RIMKLB: variants seen among roughly 807,000 people sequenced by gnomAD.
RIMKLB encodes beta-citrylglutamate synthase B.
A neutral mutation model predicts 32.0 loss-of-function variants in RIMKLB; 7 were observed. The observed-to-expected ratio is 0.22, with a 90% CI of 0.12 to 0.41. RIMKLB has a LOEUF of 0.41. Ranked by LOEUF, RIMKLB falls within the 10% of genes least tolerant of loss-of-function variation. RIMKLB has a pLI of 1.00. For missense variants in RIMKLB, 289 were observed against 498.7 expected (o/e 0.58, Z 4.00); for synonymous variants, 172 against 185.1 (o/e 0.93, Z 0.57).
intron 2 of RIMKLB, among the ~76,000 whole-genome samples, chr12:8,747,661 T>C (rs2137663034): frequency 6.6e-6 from 1 of 152,282 alleles, no homozygotes; most frequent in South Asian, 2.1e-4. Context: ...AAGGAATTGA[T>C]CATATGGTGT....
upstream of RIMKLB, among the ~76,000 whole-genome samples, chr12:8,692,351 T>C (rs1942756831): frequency 6.6e-6 from 1 of 152,258 alleles, no homozygotes; most frequent in South Asian, 2.1e-4. Flanking sequence ...CAAACTTTCA[T>C]GTGTCTAAAG....
At chr12:8,730,845 T>G (rs79549839) in intron 2 of RIMKLB, among the ~76,000 whole-genome samples, 1 of 151,726 alleles carries the variant, frequency 6.6e-6, no homozygotes, top group East Asian at 2.0e-4. Context: ...GTTCCAGAGA[T>G]TCTCCTGTCT....
chr12:8,774,412 T>C lies in RIMKLB; in HGVS notation c.*628T>C. 1.0e-6 allele frequency: 1 copy of C among 985,776 alleles called. No individual in the cohort carries two copies. The highest frequency in any genetic ancestry group is 1.2e-6 in the Non-Finnish European group (1 of 829,868). The allele number at this position is 985,776 out of a possible 1,614,324, so 61.1% of individuals were successfully genotyped here. On this transcript the variant is annotated 3_prime_UTR_variant, in exon 6 of 6. Coordinates refer to ENST00000535829, the MANE Select transcript of RIMKLB (RefSeq NM_001297776.2). ...AGGCTTCTTAATGACAAAATTGGCATGTTTGCATGATGAAATGGAAATGAA... is the reference window on the plus strand; with the variant it reads ...AGGCTTCTTAATGACAAAATTGGCACGTTTGCATGATGAAATGGAAATGAA...
At chr12:8,679,269 C>A (rs886321839), upstream of RIMKLB, 1 of 152,224 alleles carries the variant, frequency 6.6e-6, no homozygotes, top group African/African-American at 2.4e-5. Context: ...CTGCAACCTC[C>A]CCCTCTCGGT....
chr12:8,709,277 C>T (rs1944164266), intron 1 of RIMKLB, among the ~76,000 whole-genome samples: 2 of 152,216 alleles, frequency 1.3e-5, no homozygotes. Context: ...TATTGGTGCA[C>T]TTTTGAGCTC....
chr12:8,769,657 G>C (rs1449074278), intron 5 of RIMKLB, among the ~76,000 whole-genome samples: 2 of 151,992 alleles, frequency 1.3e-5, no homozygotes, highest in Non-Finnish European at 2.9e-5. Context: ...TAATTTGGGA[G>C]ATCAACCAGG....
intron 2 of RIMKLB, among the ~76,000 whole-genome samples, chr12:8,727,916 T>C (rs1033620359): frequency 7.3e-6 from 1 of 137,056 alleles, no homozygotes; most frequent in African/African-American, 2.7e-5. Flanking sequence ...AAAAAAAAAA[T>C]CTAGTATTTT....
At position 8,774,951 on chromosome 12, in the gene RIMKLB, A is replaced by T. The variant is rs746153524; in HGVS notation, c.*1167A>T. 96 of 985,722 alleles carry T rather than the reference A, an allele frequency of 9.7e-5. No homozygotes were observed. Among genetic ancestry groups the T allele is most frequent in the Non-Finnish European group, 1.0e-4 (86 of 829,916 alleles). 61.1% of individuals were successfully genotyped at this position (985,722 alleles called of 1,614,324 possible). On this transcript the variant is annotated 3_prime_UTR_variant, in exon 6 of 6. Transcript: ENST00000535829. ...ATCAACTAATCAAAAAGGATAATTT[A>T]GAAAATGGAGCATGATGGGAAACAG...
chr12:8,751,844 C>T (rs1284388240), intron 3 of RIMKLB, 113 bp from the exon 4 acceptor site: 3 of 674,446 alleles, frequency 4.4e-6, no homozygotes, highest in Admixed American at 2.5e-5. Flanking sequence ...AGTTAGCCAT[C>T]AGGCTCTTAC....
intron 1 of RIMKLB, among the ~76,000 whole-genome samples, chr12:8,685,545 T>G (rs1436318640): frequency 6.6e-6 from 1 of 150,376 alleles, no homozygotes; most frequent in Non-Finnish European, 1.5e-5. Context: ...ATTCTTTTTA[T>G]TAAATTGTTG....
At chr12:8,738,730 A>G (rs888967464) in intron 2 of RIMKLB, among the ~76,000 whole-genome samples, 5 of 152,186 alleles carry the variant, frequency 3.3e-5, no homozygotes, top group African/African-American at 1.2e-4. Context: ...GGGTGGGAGG[A>G]GTGATACCCC....
chr12:8,699,642 ATTC>A (rs1474622134), intron 1 of RIMKLB: 2 of 152,076 alleles, frequency 1.3e-5, no homozygotes, highest in Non-Finnish European at 2.9e-5. Context: ...ATCCTATTTT[ATTC>A]TTTTCTATCT....
chr12:8,710,820 C>T (rs1464940388), intron 1 of RIMKLB, among the ~76,000 whole-genome samples: 2 of 152,038 alleles, frequency 1.3e-5, no homozygotes, highest in Middle Eastern at 3.2e-3. Flanking sequence ...TGAAGACCCA[C>T]TGTGCAATGA....
chr12:8,718,830 C>T (rs1474803853), intron 2 of RIMKLB, among the ~76,000 whole-genome samples: 2 of 152,080 alleles, frequency 1.3e-5, no homozygotes, highest in Non-Finnish European at 2.9e-5. Flanking sequence ...ACATCCCTTA[C>T]CAGAAGGACA....
intron 2 of RIMKLB, among the ~76,000 whole-genome samples, chr12:8,723,148 C>T (rs774132959): frequency 1.3e-4 from 20 of 152,172 alleles, no homozygotes; most frequent in Non-Finnish European, 2.5e-4. Context: ...TTTAAAATAC[C>T]TTCTTCACTA....
At chr12:8,741,923 C>CTTTTTTTTTT (rs145008488) in intron 2 of RIMKLB, among the ~76,000 whole-genome samples, 1 of 146,868 alleles carries the variant, frequency 6.8e-6, no homozygotes, top group Non-Finnish European at 1.5e-5. Context: ...AAAAGGAGAG[C>CTTTTTTTTTT]TTTTTTTTTT....
intron 5 of RIMKLB, among the ~76,000 whole-genome samples, chr12:8,768,875 G>A (rs769962893): frequency 1.6e-4 from 24 of 152,256 alleles, no homozygotes; most frequent in African/African-American, 5.8e-4. Context: ...TGCTTTGTAT[G>A]TGATTCTCTT....
At chr12:8,712,362 A>G (rs937661320) in intron 1 of RIMKLB, among the ~76,000 whole-genome samples, 8 of 152,164 alleles carry the variant, frequency 5.3e-5, no homozygotes, top group African/African-American at 1.9e-4. Context: ...CAGCAAGCCT[A>G]GATCACACCA....
At chr12:8,781,443 T>C (rs759699538), downstream of RIMKLB, among the ~76,000 whole-genome samples, 7 of 152,332 alleles carry the variant, frequency 4.6e-5, no homozygotes, top group African/African-American at 1.7e-4. Flanking sequence ...GAGGGTGGCG[T>C]GATCTCTTCC....
Sources: allele counts gnomAD v4.1 joint callset (sites outside exome capture counted in the v4.1 genomes callset), GRCh38; gene constraint gnomAD v4.1.1; transcripts MANE v1.5; gene names NCBI Gene and HGNC (gene_info 2026-07-23, HGNC 2026-07-21).